LEPR: variants seen among roughly 807,000 people sequenced by gnomAD.
The protein encoded by LEPR is OB receptor.
Under a neutral mutation model 114.7 loss-of-function variants are expected in LEPR, and 56 were observed. The ratio of observed to expected loss-of-function variants is 0.49; its 90% CI spans 0.39 to 0.61. LEPR has a LOEUF of 0.61. Among genes scored for constraint, LEPR ranks in the 20% least tolerant of loss-of-function variants. The pLI, the probability that LEPR is intolerant of heterozygous loss-of-function variation, is 0.00. For synonymous variants in LEPR, 443 were observed against 461.4 expected (o/e 0.96, Z 0.51); for missense variants, 1,202 against 1,352.9 (o/e 0.89, Z 1.75).
chr1:65,483,360 T>C (rs1312312187), intron 2 of LEPR, among the ~76,000 whole-genome samples: 1 of 152,228 alleles, frequency 6.6e-6, no homozygotes, highest in African/African-American at 2.4e-5. Flanking sequence ...ATTTCCTACC[T>C]ATCAGATTGG....
Position 65,527,325 on chromosome 1 carries a change from C to A in LEPR, c.-20-38221C>A, listed in dbSNP as rs1650040854. Reference sequence around the variant, plus strand: ...TGCAGTTAGTTGCCTTGGAATGAATCCCAGAAAATAGCAGAGATTAACTAA... The same window carrying A: ...TGCAGTTAGTTGCCTTGGAATGAATACCAGAAAATAGCAGAGATTAACTAA... On this transcript the variant is annotated intron_variant, in intron 2 of 19. Coordinates refer to ENST00000349533, the MANE Select transcript of LEPR (RefSeq NM_002303.6). 2.0e-5 allele frequency among the ~76,000 whole-genome samples: 3 copies of A among 152,250 alleles called. No homozygotes were observed. In the South Asian group the frequency reaches 6.2e-4, roughly 32 times the overall value.
At chr1:65,568,577 A>G (rs1653935729) in intron 3 of LEPR, among the ~76,000 whole-genome samples, 1 of 151,704 alleles carries the variant, frequency 6.6e-6, no homozygotes, top group African/African-American at 2.4e-5. Flanking sequence ...TCATTCATTG[A>G]GGGACACTTA....
chr1:65,567,840 A>C (rs1653881706), intron 3 of LEPR, among the ~76,000 whole-genome samples: 1 of 143,220 alleles, frequency 7.0e-6, no homozygotes, highest in African/African-American at 2.6e-5. Context: ...CACATTTATA[A>C]CCCCCCATTA....
chr1:65,636,207 A>G lies in LEPR; in HGVS notation c.2690A>G (p.His897Arg), dbSNP rs769642260. The G allele has an allele frequency of 2.5e-6, 4 of 1,613,768 alleles. No individual in the cohort carries two copies. In the South Asian group the frequency reaches 3.3e-5, roughly 13 times the overall value. ...TTCTTTTAGCCAGAAACGTTTGAGC[A>G]TCTTTTTATCAAGCATACAGCATCA... is the stretch of plus-strand genomic sequence containing the variant. ...LNFQKPETFE[H>R]LFIKHTASVT... The change falls in exon 20 of 20, where the codon CAT becomes CGT. Residue 897 changes from histidine (H) to arginine (R), a missense_variant. Coordinates refer to ENST00000349533, the MANE Select transcript of LEPR (RefSeq NM_002303.6).
chr1:65,440,441 CA>C, intron 2 of LEPR, among the ~76,000 whole-genome samples: 1 of 150,862 alleles, frequency 6.6e-6, no homozygotes, highest in East Asian at 1.9e-4. Flanking sequence ...AATGCTAAGG[CA>C]AAAAAAGGAA....
chr1:65,613,581 G>A (rs944392017), intron 14 of LEPR, among the ~76,000 whole-genome samples: 1 of 115,484 alleles, frequency 8.7e-6, no homozygotes. Context: ...GTGAAACCCC[G>A]TCTCTACTAA....
chr1:65,457,953 T>C (rs1239161814), intron 2 of LEPR, among the ~76,000 whole-genome samples: 1 of 152,218 alleles, frequency 6.6e-6, no homozygotes, highest in Non-Finnish European at 1.5e-5. Context: ...TTCCCTTTTA[T>C]GCATCTTGAG....
At position 65,525,414 on chromosome 1, in the gene LEPR, G is replaced by A. The variant is rs371882888; in HGVS notation, c.-20-40132G>A. Among the ~76,000 whole-genome samples, 1,338 of 152,220 alleles carry A rather than the reference G, an allele frequency of 8.8e-3. 31 individuals are homozygous for A. The highest frequency in any genetic ancestry group is 0.031 in the African/African-American group (1,291 of 41,546). On this transcript the variant is annotated intron_variant, in intron 2 of 19. Coordinates refer to ENST00000349533, the MANE Select transcript of LEPR (RefSeq NM_002303.6). Reference sequence around the variant, plus strand: ...TCGCCTGGGCTCTCGGCCTCCCTGCGGGCAGGGGTCCTCCCTCCCCAGCGC... The same window carrying A: ...TCGCCTGGGCTCTCGGCCTCCCTGCAGGCAGGGGTCCTCCCTCCCCAGCGC...
intron 2 of LEPR, among the ~76,000 whole-genome samples, chr1:65,450,570 TC>T (rs1371984273): frequency 7.2e-6 from 1 of 139,736 alleles, no homozygotes; most frequent in Non-Finnish European, 1.5e-5. Context: ...AATGATGATT[TC>T]CAATTTCATC....
At position 65,618,263 on chromosome 1, in the gene LEPR, T is replaced by C. The variant is rs1657650392; in HGVS notation, c.2395+117T>C. 5.3e-5 allele frequency: 42 copies of C among 788,144 alleles called. No individual in the cohort carries two copies. The South Asian group carries it at 7.0e-4, about 13-fold the overall frequency. The allele number at this position is 788,144 out of a possible 1,614,324, so 48.8% of individuals were successfully genotyped here. A position where few individuals can be genotyped will look rare whatever the true frequency, so the allele number is the denominator to read the frequency against. On this transcript the variant is annotated intron_variant, in intron 16 of 19. Transcript: ENST00000349533. ...TTCAAAAATATAGAGGATACTACCA[T>C]CCTAATACATATAATCCTATAACCT...
intron 2 of LEPR, among the ~76,000 whole-genome samples, chr1:65,546,130 T>C: frequency 6.6e-6 from 1 of 152,206 alleles, no homozygotes; most frequent in Non-Finnish European, 1.5e-5. Flanking sequence ...ATATGCAGTG[T>C]TATTTCTGAG....
intron 14 of LEPR, among the ~76,000 whole-genome samples, chr1:65,614,146 C>A (rs1657384510): frequency 6.6e-6 from 1 of 152,174 alleles, no homozygotes. Context: ...GAAACTTGCA[C>A]ATGAATGTTT....
At chr1:65,564,702 T>C (rs1653597874) in intron 2 of LEPR, among the ~76,000 whole-genome samples, 1 of 152,176 alleles carries the variant, frequency 6.6e-6, no homozygotes, top group Admixed American at 6.5e-5. Flanking sequence ...ACAGTCTGAT[T>C]TGTAGATGAG....
intron 8 of LEPR, among the ~76,000 whole-genome samples, chr1:65,601,136 A>G (rs1169914825): frequency 6.6e-6 from 1 of 152,058 alleles, no homozygotes; most frequent in Non-Finnish European, 1.5e-5. Context: ...AACATATTTT[A>G]TGATGAATAA....
At chr1:65,597,027 C>T (rs1373756840) in intron 7 of LEPR, among the ~76,000 whole-genome samples, 2 of 152,084 alleles carry the variant, frequency 1.3e-5, no homozygotes. Context: ...GGAACACCCC[C>T]ACCCTGGATA....
chr1:65,550,056 G>T (rs1214318545), intron 2 of LEPR, among the ~76,000 whole-genome samples: 2 of 152,230 alleles, frequency 1.3e-5, no homozygotes, highest in Non-Finnish European at 2.9e-5. Flanking sequence ...CTGCAGGTCT[G>T]TTGGAGTTTG....
chr1:65,514,447 C>G (rs529495646), intron 2 of LEPR, among the ~76,000 whole-genome samples: 1 of 152,302 alleles, frequency 6.6e-6, no homozygotes, highest in African/African-American at 2.4e-5. Flanking sequence ...TTTCAAATAG[C>G]TGTTTTCCTC....
chr1:65,584,787 T>G (rs772144649), intron 5 of LEPR, among the ~76,000 whole-genome samples: 8 of 152,126 alleles, frequency 5.3e-5, no homozygotes, highest in Non-Finnish European at 1.0e-4. Flanking sequence ...GTTATATTAT[T>G]AACTTGGTAG....
chr1:65,509,354 A>T (rs1315670600), intron 2 of LEPR, among the ~76,000 whole-genome samples: 1 of 152,162 alleles, frequency 6.6e-6, no homozygotes, highest in Non-Finnish European at 1.5e-5. Context: ...GTGTTGAGGA[A>T]CATTCTTTCT....
Sources: gnomAD v4.1 joint callset for allele counts (sites outside exome capture counted in the v4.1 genomes callset) on GRCh38, gnomAD v4.1.1 for gene constraint, MANE v1.5 for transcripts, NCBI Gene and HGNC (gene_info 2026-07-23, HGNC 2026-07-21) for gene names.